The following FNDC3A variants were observed in gnomAD, a reference collection of about 807,000 sequenced individuals.
The protein encoded by FNDC3A is fibronectin type III domain containing 3A.
Under a neutral mutation model 148.9 loss-of-function variants are expected in FNDC3A, and 32 were observed. The observed-to-expected ratio is 0.21, with a 90% CI of 0.16 to 0.29. The LOEUF (loss-of-function observed/expected upper bound fraction) is 0.29, where lower values mean the gene tolerates loss of function less well. FNDC3A is among the 10% of genes least tolerant of loss of function. FNDC3A has a pLI of 1.00. For synonymous variants in FNDC3A, 472 were observed against 473.6 expected, an observed-to-expected ratio of 1.00 and a Z score of 0.04; for missense variants, 1,191 against 1,452.8, an observed-to-expected ratio of 0.82 and a Z score of 2.93.
At chr13:49,037,394 C>T (rs1874571589) in intron 2 of FNDC3A, among the ~76,000 whole-genome samples, 1 of 152,128 alleles carries the variant, frequency 6.6e-6, no homozygotes, top group African/African-American at 2.4e-5. Context: ...ATGTTATTAA[C>T]TGTCATTCAA....
At chr13:49,127,347 T>A (rs1881763868) in intron 4 of FNDC3A, among the ~76,000 whole-genome samples, 1 of 152,224 alleles carries the variant, frequency 6.6e-6, no homozygotes. Flanking sequence ...TGTATTCCCC[T>A]TTGCAGCAGA....
intron 3 of FNDC3A, among the ~76,000 whole-genome samples, chr13:49,085,876 CTTTTTT>C (rs111913275): frequency 7.4e-6 from 1 of 134,622 alleles, no homozygotes; most frequent in African/African-American, 2.8e-5. Context: ...CCCATCCATC[CTTTTTT>C]TTTTTTTTTT....
chr13:49,198,188 T>G lies in FNDC3A; in HGVS notation c.2697T>G (p.Phe899Leu). 6.2e-7 allele frequency: 1 copy of G among 1,614,212 alleles called. No homozygotes were observed. The highest frequency in any genetic ancestry group is 8.5e-7 in the Non-Finnish European group (1 of 1,180,026). ...GSEILAYSID[F>L]GDKQSLTVGK... is the part of the protein sequence containing the mutation. ...AAATCCTTGCCTACAGCATAGACTT[T>G]GGAGATAAACAATCCCTAACAGTGG... Residue 899 changes from phenylalanine to leucine, a missense_variant, in exon 22 of 26, where the codon TTT becomes TTG. Physicochemically the swap from Phe to Leu is conservative, Grantham distance 22. This residue lies in a region of FNDC3A where 751 missense variants were observed against 944.0 expected (regional missense o/e 0.80). Transcript: ENST00000492622.
intron 2 of FNDC3A, chr13:49,046,176 G>A (rs897442128): frequency 1.9e-5 from 3 of 155,504 alleles, no homozygotes; most frequent in African/African-American, 7.2e-5. Flanking sequence ...GAACTAATCA[G>A]ATAAATCTTC....
intron 15 of FNDC3A, among the ~76,000 whole-genome samples, chr13:49,186,695 C>T (rs1885589632): frequency 6.6e-6 from 1 of 152,126 alleles, no homozygotes; most frequent in Non-Finnish European, 1.5e-5. Flanking sequence ...TGGTGAAACC[C>T]CGTCTCTACT....
At chr13:48,977,210 A>C (rs1951620084) in intron 1 of FNDC3A, among the ~76,000 whole-genome samples, 2 of 151,932 alleles carry the variant, frequency 1.3e-5, no homozygotes. Context: ...TATAATCATT[A>C]TGTGTTCACT....
rs1043157229 is a variant in FNDC3A, at chr13:49,208,006, A to G, written c.*611A>G. 2.0e-5 allele frequency: 3 copies of G among 152,612 alleles called. No individual in the cohort carries two copies. The highest frequency in any genetic ancestry group is 2.0e-4 in the Admixed American group (3 of 15,280). 9.5% of individuals were successfully genotyped at this position (152,612 alleles called of 1,614,324 possible). On this transcript the variant is annotated 3_prime_UTR_variant, in exon 26 of 26. Transcript: ENST00000492622. The stretch of plus-strand genomic sequence containing the variant: ...AGTTCTTCATTATAAATATATATTC[A>G]TGAATTCACAGATAAGTACTTAAAG...
chr13:49,161,159 A>G (rs1016236287), intron 8 of FNDC3A, among the ~76,000 whole-genome samples: 3 of 152,188 alleles, frequency 2.0e-5, no homozygotes, highest in African/African-American at 7.2e-5. Context: ...ACTTGAGTTC[A>G]AGTCCTGGGT....
intron 19 of FNDC3A, 132 bp from the exon 20 acceptor site, chr13:49,196,745 G>A (rs1195378976): frequency 2.0e-6 from 1 of 505,056 alleles, no homozygotes; most frequent in East Asian, 3.2e-5. Context: ...AATACTTATA[G>A]AATTATGACC....
intron 14 of FNDC3A, among the ~76,000 whole-genome samples, chr13:49,185,390 A>G (rs931889682): frequency 1.3e-5 from 2 of 152,146 alleles, no homozygotes; most frequent in East Asian, 3.8e-4. Context: ...AGTCATCTCA[A>G]GGCTCTCCTG....
At position 49,077,546 on chromosome 13, in the gene FNDC3A, T is replaced by C. The variant is rs546951830; in HGVS notation, c.175+2182T>C. ...AACTTTTAGCCTGACATTTAAACCT[T>C]ATATATCTGAGAGTTAAAAATTTCT... On this transcript the variant is annotated intron_variant, in intron 3 of 25. Transcript: ENST00000492622. Among the ~76,000 whole-genome samples, 10 of 152,342 alleles carry C rather than the reference T, an allele frequency of 6.6e-5. No homozygotes were observed. The East Asian group carries it at 1.5e-3, about 23-fold the overall frequency.
intron 1 of FNDC3A, among the ~76,000 whole-genome samples, chr13:48,991,457 G>C (rs1307672082): frequency 6.6e-6 from 1 of 151,990 alleles, no homozygotes; most frequent in Non-Finnish European, 1.5e-5. Flanking sequence ...GAGGCTGAGG[G>C]GGTTGAATCA....
intron 2 of FNDC3A, among the ~76,000 whole-genome samples, chr13:49,066,872 A>G (rs915327325): frequency 6.6e-6 from 1 of 152,218 alleles, no homozygotes; most frequent in Non-Finnish European, 1.5e-5. Flanking sequence ...CTTAATGACT[A>G]TTCCTTTTTG....
chr13:49,072,971 T>A (rs1877802280), intron 2 of FNDC3A, among the ~76,000 whole-genome samples: 2 of 152,328 alleles, frequency 1.3e-5, no homozygotes, highest in African/African-American at 2.4e-5. Context: ...TCTTGCCTAA[T>A]TTCTCTGGCT....
rs761789979 is a variant in FNDC3A, at chr13:49,174,567, G to A, written c.1355+8G>A. The A allele has an allele frequency of 6.3e-6, 10 of 1,596,482 alleles. No homozygotes were observed. In the Admixed American group the frequency reaches 1.4e-4, roughly 22 times the overall value. On this transcript the variant is annotated splice_region_variant and intron_variant, in intron 12 of 25. Coordinates refer to ENST00000492622, the MANE Select transcript of FNDC3A (RefSeq NM_001079673.2). The stretch of plus-strand genomic sequence containing the variant: ...AAATGACTATGGTACAAGGTAAGGT[G>A]TACTTTATAAAAGAATGTAAATATT...
chr13:49,070,496 C>CATGT (rs1462258993), intron 2 of FNDC3A, among the ~76,000 whole-genome samples: 9 of 152,078 alleles, frequency 5.9e-5, no homozygotes, highest in African/African-American at 1.9e-4. Flanking sequence ...TATTTTGATA[C>CATGT]ATGTATACAA....
intron 4 of FNDC3A, among the ~76,000 whole-genome samples, chr13:49,124,436 C>T (rs1881564062): frequency 6.6e-6 from 1 of 151,098 alleles, no homozygotes; most frequent in Non-Finnish European, 1.5e-5. Context: ...CACGTGTATA[C>T]CTATGTAACA....
At chr13:49,187,643 T>C (rs1885653258) in intron 16 of FNDC3A, 8 of 1,599,574 alleles carry the variant, frequency 5.0e-6, no homozygotes, top group South Asian at 4.4e-5. Flanking sequence ...ACAGAGGTTG[T>C]GAACCTCCGG....
At chr13:49,035,986 C>T (rs972850234) in intron 2 of FNDC3A, among the ~76,000 whole-genome samples, 1 of 152,046 alleles carries the variant, frequency 6.6e-6, no homozygotes, top group Non-Finnish European at 1.5e-5. Flanking sequence ...TGTCAGTCTA[C>T]AGATTGACAA....
Sources: gnomAD v4.1 joint callset for allele counts (sites outside exome capture counted in the v4.1 genomes callset) on GRCh38, gnomAD v4.1.1 for gene constraint, gnomAD v4.1.1 regional missense constraint, MANE v1.5 for transcripts, NCBI Gene and HGNC (gene_info 2026-07-23, HGNC 2026-07-21) for gene names.